Variants in DSCAM observed in about 807,000 individuals in gnomAD.
DSCAM encodes DS cell adhesion molecule, also known as cell adhesion molecule DSCAM.
A neutral mutation model predicts 217.7 loss-of-function variants in DSCAM; 47 were observed. That is an observed-to-expected ratio of 0.22 (90% CI 0.17 to 0.28). DSCAM has a LOEUF of 0.28. Among genes scored for constraint, DSCAM ranks in the 10% least tolerant of loss-of-function variants. DSCAM has a pLI of 1.00. For synonymous variants in DSCAM, 1,056 were observed against 1,015.3 expected (o/e 1.04, Z -0.76); for missense variants, 2,080 against 2,618.3 (o/e 0.79, Z 4.49).
intron 3 of DSCAM, among the ~76,000 whole-genome samples, chr21:40,438,151 G>A (rs7276686): frequency 0.013 from 2,052 of 152,296 alleles, 47 homozygotes; most frequent in African/African-American, 0.046. Flanking sequence ...GTGACCTTGA[G>A]GATGCCACTT....
intron 9 of DSCAM, among the ~76,000 whole-genome samples, chr21:40,301,287 C>T (rs1277311187): frequency 6.6e-6 from 1 of 152,188 alleles, no homozygotes; most frequent in Non-Finnish European, 1.5e-5. Flanking sequence ...ATTCCCATGG[C>T]CCTTTGGTAT....
At chr21:40,550,864 G>T (rs9984536) in intron 3 of DSCAM, among the ~76,000 whole-genome samples, 1 of 151,972 alleles carries the variant, frequency 6.6e-6, no homozygotes, top group East Asian at 1.9e-4. Flanking sequence ...GAAACAGCAG[G>T]GCTGCTTACA....
chr21:40,116,066 C>T (rs1206153171), intron 20 of DSCAM, among the ~76,000 whole-genome samples: 1 of 152,052 alleles, frequency 6.6e-6, no homozygotes, highest in Admixed American at 6.5e-5. Flanking sequence ...AAAACAAATA[C>T]CACATGTTCT....
intron 3 of DSCAM, among the ~76,000 whole-genome samples, chr21:40,372,071 C>G (rs1472046449): frequency 6.6e-6 from 1 of 152,126 alleles, no homozygotes; most frequent in African/African-American, 2.4e-5. Flanking sequence ...TGGGTACAGT[C>G]TCAACTCAGG....
rs147248543 is a variant in DSCAM, at chr21:40,300,187, T to A, written c.2063-4013A>T. Among the ~76,000 whole-genome samples, 50 of 152,322 alleles carry A rather than the reference T, an allele frequency of 3.3e-4. 1 individual carries two copies. The East Asian group carries it at 9.1e-3, about 28-fold the overall frequency. On this transcript the variant is annotated intron_variant, in intron 9 of 32. Transcript: ENST00000400454. ...GATGATTGCCTTTATCTTCCCTTGG[T>A]GTGTAGAGCACCATATCCTTCCATC...
chr21:40,189,469 G>A (rs8128558), intron 11 of DSCAM, among the ~76,000 whole-genome samples: 9,741 of 152,206 alleles, frequency 0.064, 976 homozygotes, highest in African/African-American at 0.22. Context: ...TCCACGGCAC[G>A]TTGCTCTTCC....
chr21:40,401,410 T>C (rs2075232569), intron 3 of DSCAM, among the ~76,000 whole-genome samples: 1 of 152,036 alleles, frequency 6.6e-6, no homozygotes. Flanking sequence ...TTTTTTTCTG[T>C]TAGTGTGTAG....
intron 8 of DSCAM, among the ~76,000 whole-genome samples, chr21:40,336,207 A>AT (rs753432925): frequency 5.3e-5 from 8 of 152,208 alleles, no homozygotes; most frequent in Admixed American, 3.9e-4. Flanking sequence ...GCTTTTCTTC[A>AT]TGGAATTCCA....
intron 2 of DSCAM, among the ~76,000 whole-genome samples, chr21:40,700,881 C>G (rs558792964): frequency 1.3e-5 from 2 of 152,078 alleles, no homozygotes; most frequent in South Asian, 4.2e-4. Context: ...GGACTAAAGG[C>G]ATGTGTCACC....
intron 11 of DSCAM, among the ~76,000 whole-genome samples, chr21:40,217,830 C>T (rs952524590): frequency 1.3e-5 from 2 of 152,058 alleles, no homozygotes; most frequent in Non-Finnish European, 2.9e-5. Flanking sequence ...AGTGTCTGTT[C>T]ACGTCCTTTG....
At chr21:40,394,428 GA>G (rs1476611066) in intron 3 of DSCAM, among the ~76,000 whole-genome samples, 1 of 152,176 alleles carries the variant, frequency 6.6e-6, no homozygotes, top group Non-Finnish European at 1.5e-5. Context: ...CAGTCAGGAT[GA>G]AAAATAATAG....
chr21:40,799,143 C>G (rs1184377799), intron 1 of DSCAM, among the ~76,000 whole-genome samples: 1 of 151,896 alleles, frequency 6.6e-6, no homozygotes, highest in Non-Finnish European at 1.5e-5. Flanking sequence ...TAATTGAGAG[C>G]CTGTGTTTGT....
Position 40,788,538 on chromosome 21 carries a change from C to G in DSCAM, c.43+58081G>C, listed in dbSNP as rs11911690. Among the ~76,000 whole-genome samples the G allele has an allele frequency of 9.5e-3, 1,447 of 152,320 alleles. 14 individuals carry two copies. Among genetic ancestry groups the G allele is most frequent in the African/African-American group, 0.033 (1,372 of 41,566 alleles). ...ATCCATATAGGTCCCTTTCTTCCAT[C>G]TGCTTTTTATTTGGAAGCACTCATT... On this transcript the variant is annotated intron_variant, in intron 1 of 32. Coordinates refer to ENST00000400454, the MANE Select transcript of DSCAM (RefSeq NM_001389.5).
chr21:40,658,098 T>C (rs965938250), intron 3 of DSCAM, among the ~76,000 whole-genome samples: 1 of 152,004 alleles, frequency 6.6e-6, no homozygotes, highest in Non-Finnish European at 1.5e-5. Flanking sequence ...CCAGGAAAGG[T>C]CCCACAGAGA....
chr21:40,766,246 A>C (rs1186816004), intron 1 of DSCAM, among the ~76,000 whole-genome samples: 1 of 152,180 alleles, frequency 6.6e-6, no homozygotes, highest in East Asian at 1.9e-4. Flanking sequence ...ACCCGATTAC[A>C]AAGTAAGTTG....
chr21:40,037,733 A>G (rs1327844053), intron 32 of DSCAM, among the ~76,000 whole-genome samples: 1 of 146,576 alleles, frequency 6.8e-6, no homozygotes, highest in Non-Finnish European at 1.5e-5. Flanking sequence ...AAAAGAAAAA[A>G]GCTGGAGGCA....
intron 3 of DSCAM, among the ~76,000 whole-genome samples, chr21:40,633,548 G>T (rs1367307413): frequency 6.6e-6 from 1 of 152,206 alleles, no homozygotes; most frequent in Non-Finnish European, 1.5e-5. Flanking sequence ...CCACATTAAA[G>T]AATGTGTTAA....
chr21:40,502,906 T>G (rs1329969989), intron 3 of DSCAM, among the ~76,000 whole-genome samples: 2 of 150,850 alleles, frequency 1.3e-5, no homozygotes, highest in Admixed American at 6.7e-5. Flanking sequence ...TATAATATTA[T>G]GTATAATTTT....
intron 1 of DSCAM, among the ~76,000 whole-genome samples, chr21:40,812,295 C>A (rs779517372): frequency 6.6e-6 from 1 of 152,200 alleles, no homozygotes; most frequent in Non-Finnish European, 1.5e-5. Context: ...CCCTTCCATG[C>A]AGCAGGTACT....
Sources: allele counts gnomAD v4.1 joint callset (sites outside exome capture counted in the v4.1 genomes callset), GRCh38; gene constraint gnomAD v4.1.1; transcripts MANE v1.5; gene names NCBI Gene and HGNC (gene_info 2026-07-23, HGNC 2026-07-21).